The following TPO variants were observed in gnomAD, a reference collection of about 807,000 sequenced individuals.
TPO encodes the protein thyroid peroxidase, also known as thyroid microsomal antigen.
A neutral mutation model predicts 96.9 loss-of-function variants in TPO; 78 were observed. The observed-to-expected ratio is 0.81, with a 90% confidence interval of 0.67 to 0.97. The LOEUF is 0.97. Among genes scored for constraint, TPO ranks in the 50% least tolerant of loss-of-function variants. The pLI is 0.00. For missense variants in TPO, 1,252 were observed against 1,274.8 expected (o/e 0.98, Z 0.27); for synonymous variants, 547 against 538.0 (o/e 1.02, Z -0.23).
chr2:1,429,499 T>G (rs1485575992), intron 3 of TPO, among the ~76,000 whole-genome samples: 1 of 152,082 alleles, frequency 6.6e-6, no homozygotes. Context: ...TTTGGAACTG[T>G]GTAATGGCAG....
chr2:1,419,821 C>A (rs1187330283), intron 2 of TPO, among the ~76,000 whole-genome samples: 2 of 152,242 alleles, frequency 1.3e-5, no homozygotes, highest in African/African-American at 4.8e-5. Context: ...CTCGTGGAAG[C>A]AGGAGTCCAG....
chr2:1,412,957 C>G (rs867545381), upstream of TPO, among the ~76,000 whole-genome samples: 1 of 152,090 alleles, frequency 6.6e-6, no homozygotes, highest in Non-Finnish European at 1.5e-5. Context: ...TGAACACACA[C>G]TGAACTGTGC....
chr2:1,449,998 G>T (rs529418912), intron 5 of TPO, among the ~76,000 whole-genome samples: 2 of 152,122 alleles, frequency 1.3e-5, no homozygotes, highest in Non-Finnish European at 2.9e-5. Flanking sequence ...ACCTGACAGG[G>T]TGTCAGGCGT....
intron 5 of TPO, among the ~76,000 whole-genome samples, chr2:1,446,753 G>A (rs538515747): frequency 5.6e-4 from 85 of 152,222 alleles, no homozygotes; most frequent in African/African-American, 1.9e-3. Flanking sequence ...TCTCCATGCT[G>A]TCTTTTGAAG....
intron 15 of TPO, among the ~76,000 whole-genome samples, chr2:1,536,176 C>A (rs1284391095): frequency 2.9e-5 from 1 of 33,926 alleles, no homozygotes; most frequent in Non-Finnish European, 5.6e-5. Flanking sequence ...TGTGTTCAAG[C>A]CCCCCAAATC....
intron 14 of TPO, among the ~76,000 whole-genome samples, chr2:1,505,227 G>C (rs1673284168): frequency 6.6e-6 from 1 of 151,212 alleles, no homozygotes; most frequent in African/African-American, 2.4e-5. Flanking sequence ...CCCCACTCCT[G>C]TGTCAGGCAT....
At position 1,487,919 on chromosome 2, in the gene TPO, G is replaced by A. The variant is rs759227872; in HGVS notation, c.1696G>A (p.Val566Met). 6.2e-7 allele frequency: 1 copy of A among 1,614,190 alleles called. No individual in the cohort carries two copies. Among genetic ancestry groups the A allele is most frequent in the South Asian group, 1.1e-5 (1 of 91,086 alleles). ...MNEELTERLF[V>M]LSNSSTLDLA... is the part of the protein sequence containing the mutation. ...CGAGGAGCTGACGGAAAGGCTCTTTGTGCTGTCCAATTCCAGCACCTTGGA... is the reference window on the plus strand; with the variant it reads ...CGAGGAGCTGACGGAAAGGCTCTTTATGCTGTCCAATTCCAGCACCTTGGA... Residue 566 changes from valine (V) to methionine (M), a missense_variant, in exon 10 of 17, where the codon GTG becomes ATG. By Grantham distance (21) the Val-to-Met change is conservative (BLOSUM62 1). Coordinates refer to ENST00000329066, the MANE Select transcript of TPO (RefSeq NM_001206744.2).
intron 5 of TPO, among the ~76,000 whole-genome samples, chr2:1,449,070 T>C (rs1667090942): frequency 6.6e-6 from 1 of 152,164 alleles, no homozygotes; most frequent in Admixed American, 6.5e-5. Flanking sequence ...TCACGTTCTG[T>C]CCAATACAGC....
chr2:1,375,397 A>C (rs1225106615), intron 1 of TPO, among the ~76,000 whole-genome samples: 1 of 152,116 alleles, frequency 6.6e-6, no homozygotes, highest in Non-Finnish European at 1.5e-5. Flanking sequence ...GCCCGGAAAA[A>C]ACAAACACAA....
chr2:1,409,697 G>C (rs1224817698), upstream of TPO, among the ~76,000 whole-genome samples: 2 of 152,024 alleles, frequency 1.3e-5, no homozygotes, highest in South Asian at 2.1e-4. Context: ...TGCAGCCCAC[G>C]GCCGTCGGGG....
rs139677277 is a variant in TPO at position 1,404,599 on chromosome 2, G to A, written n.180+30197G>A. Among the ~76,000 whole-genome samples the A allele has an allele frequency of 4.5e-4, 69 of 152,272 alleles. 1 individual carries two copies. Among genetic ancestry groups the A allele is most frequent in the Middle Eastern group, 3.4e-3 (1 of 294 alleles). On this transcript the variant is annotated intron_variant and non_coding_transcript_variant, in intron 1 of 5. Transcript: ENST00000497517. ...CACAGAGGGATGACTGTGTGAAGAC[G>A]CAGGGGAAGGTGACCAGCCAGGGAG...
At chr2:1,489,038 C>T (rs983926886) in intron 10 of TPO, among the ~76,000 whole-genome samples, 2 of 152,178 alleles carry the variant, frequency 1.3e-5, no homozygotes, top group Non-Finnish European at 2.9e-5. Flanking sequence ...ATGCCCGGCA[C>T]ATACCCAGCA....
chr2:1,494,844 G>A (rs1477722054), intron 11 of TPO, among the ~76,000 whole-genome samples: 1 of 152,190 alleles, frequency 6.6e-6, no homozygotes, highest in Non-Finnish European at 1.5e-5. Flanking sequence ...GAGTGCACCT[G>A]CCACACGCTG....
At chr2:1,540,804 G>A (rs1488659140) in intron 16 of TPO, 81 bp downstream of exon 16, 2 of 1,609,934 alleles carry the variant, frequency 1.2e-6, no homozygotes, top group Non-Finnish European at 8.5e-7. Flanking sequence ...GCTCTGCTGG[G>A]GCTCCCTGCA....
chr2:1,460,829 T>A (rs2148615747), intron 7 of TPO, among the ~76,000 whole-genome samples: 1 of 152,046 alleles, frequency 6.6e-6, no homozygotes, highest in East Asian at 1.9e-4. Flanking sequence ...GGAGCTGCAC[T>A]GAGAGAACCA....
At chr2:1,462,599 A>G (rs1170178395) in intron 7 of TPO, among the ~76,000 whole-genome samples, 1 of 152,148 alleles carries the variant, frequency 6.6e-6, no homozygotes, top group Non-Finnish European at 1.5e-5. Context: ...TACAGACTGG[A>G]AAGAAATTAT....
chr2:1,427,994 C>A (rs948092561), intron 3 of TPO, among the ~76,000 whole-genome samples: 3 of 152,146 alleles, frequency 2.0e-5, no homozygotes, highest in Non-Finnish European at 4.4e-5. Context: ...TGGATGATGT[C>A]CCCAAACCGA....
At chr2:1,516,007 C>T (rs1479597423) in intron 14 of TPO, among the ~76,000 whole-genome samples, 4 of 152,180 alleles carry the variant, frequency 2.6e-5, no homozygotes, top group Non-Finnish European at 5.9e-5. Context: ...ACAGAAAAGT[C>T]GGTAATAAAA....
intron 14 of TPO, 123 bp downstream of exon 14, chr2:1,504,202 G>C: frequency 6.4e-7 from 1 of 1,561,856 alleles, no homozygotes; most frequent in Admixed American, 1.8e-5. Context: ...AGATGAATAA[G>C]ACACCAAGCC....
Sources: gnomAD v4.1 joint callset for allele counts (sites outside exome capture counted in the v4.1 genomes callset) on GRCh38, gnomAD v4.1.1 for gene constraint, MANE v1.5 for transcripts, NCBI Gene and HGNC (gene_info 2026-07-23, HGNC 2026-07-21) for gene names.